The following IL1RAPL2 variants were observed in gnomAD, a reference collection of about 807,000 sequenced individuals.
IL1RAPL2 encodes X-linked interleukin-1 receptor accessory protein-like 2.
IL1RAPL2 carries 3 observed loss-of-function variants against 44.1 expected under a neutral mutation model. The ratio of observed to expected loss-of-function variants is 0.07; its 90% CI spans 0.03 to 0.18. The LOEUF (loss-of-function observed/expected upper bound fraction) is 0.18, where lower values mean the gene tolerates loss of function less well. Among genes scored for constraint, IL1RAPL2 ranks in the 10% least tolerant of loss-of-function variants. The pLI is 1.00. For synonymous variants in IL1RAPL2, 181 were observed against 178.8 expected (o/e 1.01, Z -0.10); for missense variants, 391 against 496.4 (o/e 0.79, Z 2.02).
intron 2 of IL1RAPL2, among the ~76,000 whole-genome samples, chrX:104,976,442 G>C (rs1226289097): frequency 8.9e-6 from 1 of 111,898 alleles, no homozygotes; most frequent in Non-Finnish European, 1.9e-5. Flanking sequence ...ACAAAAAAGG[G>C]TTTTTATTAA....
chrX:105,209,122 G>T (rs2033788144), intron 3 of IL1RAPL2, among the ~76,000 whole-genome samples: 1 of 111,459 alleles, frequency 9.0e-6, no homozygotes, highest in Admixed American at 9.6e-5. Flanking sequence ...TTTACAGCAG[G>T]GTACAAAGTC....
chrX:104,582,862 TTC>T (rs775572794), intron 1 of IL1RAPL2, among the ~76,000 whole-genome samples: 6 of 93,493 alleles, frequency 6.4e-5, no homozygotes, highest in Admixed American at 4.0e-4. Context: ...CTTTCTTTCT[TTC>T]TTTCTTTTTC....
At chrX:104,689,440 G>A (rs1931051286) in intron 2 of IL1RAPL2, among the ~76,000 whole-genome samples, 1 of 111,584 alleles carries the variant, frequency 9.0e-6, no homozygotes. Flanking sequence ...CTTTCTGGTA[G>A]TTGGAAAGGG....
At chrX:105,627,254 A>G (rs1367344871) in intron 6 of IL1RAPL2, among the ~76,000 whole-genome samples, 2 of 111,572 alleles carry the variant, frequency 1.8e-5, no homozygotes, top group Non-Finnish European at 1.9e-5. Context: ...TCTAATGAAT[A>G]TCCTTCTTTT....
intron 2 of IL1RAPL2, among the ~76,000 whole-genome samples, chrX:104,667,555 A>G (rs1369497791): frequency 9.0e-6 from 1 of 111,642 alleles, no homozygotes; most frequent in Non-Finnish European, 1.9e-5. Context: ...GTAGCTAAAT[A>G]ATTTGACCAC....
At chrX:105,122,004 C>A (rs972460899) in intron 2 of IL1RAPL2, among the ~76,000 whole-genome samples, 2 of 110,990 alleles carry the variant, frequency 1.8e-5, no homozygotes, top group Non-Finnish European at 3.8e-5. Flanking sequence ...GGTGTAAAGG[C>A]TCTCCTCCAC....
chrX:104,718,022 GGTTCCAAGTCTTTGTTATTGT>G (rs1418044826), intron 2 of IL1RAPL2, among the ~76,000 whole-genome samples: 3 of 111,011 alleles, frequency 2.7e-5, no homozygotes, highest in African/African-American at 9.8e-5. Context: ...CATTTGGGTT[GGTTCCAAGTCTTTGTTATTGT>G]GAATAGTGCC....
At position 104,582,203 on chromosome X, in the gene IL1RAPL2, A is replaced by G. The variant is rs987531397; in HGVS notation, c.-20+15152A>G. On this transcript the variant is annotated intron_variant, in intron 1 of 10. Transcript: ENST00000372582. ...AGGCAAGGCCAAGAGCAGTCACACC[A>G]GCTACTATGGTTTGTTAGTGGACAG... Among the ~76,000 whole-genome samples the G allele has an allele frequency of 3.6e-5, 4 of 112,163 alleles. No individual in the cohort carries two copies. In the Admixed American group the frequency reaches 3.8e-4, roughly 11 times the overall value.
intron 6 of IL1RAPL2, among the ~76,000 whole-genome samples, chrX:105,535,250 G>A (rs928535187): frequency 5.4e-5 from 6 of 111,592 alleles, no homozygotes; most frequent in Non-Finnish European, 7.5e-5. Flanking sequence ...AAGTGATCGC[G>A]AGACCCACGA....
intron 2 of IL1RAPL2, among the ~76,000 whole-genome samples, chrX:104,759,498 A>T (rs1027113371): frequency 9.0e-6 from 1 of 111,227 alleles, no homozygotes; most frequent in Admixed American, 9.6e-5. Flanking sequence ...TGTATACAAT[A>T]TGTCTAGGAG....
rs142559670 is a variant in IL1RAPL2 at position 105,565,048 on chromosome X, G to A, written c.772+80661G>A. ...GTCATTTGTATTCTTCAGGTAACTC[G>A]TTTAAACCTCCATTTTTTTCAGCTT... On this transcript the variant is annotated intron_variant, in intron 6 of 10. Coordinates refer to ENST00000372582, the MANE Select transcript of IL1RAPL2 (RefSeq NM_017416.2). Among the ~76,000 whole-genome samples the A allele has an allele frequency of 7.9e-3, 890 of 112,161 alleles. 11 individuals carry two copies. Among genetic ancestry groups the A allele is most frequent in the African/African-American group, 0.027 (838 of 30,918 alleles).
At chrX:105,327,078 CA>C (rs1484743184) in intron 5 of IL1RAPL2, among the ~76,000 whole-genome samples, 2 of 111,946 alleles carry the variant, frequency 1.8e-5, no homozygotes, top group Non-Finnish European at 3.8e-5. Context: ...GAAGGTTTAA[CA>C]GGAGAGTTTG....
At chrX:105,082,705 C>T (rs183349103) in intron 2 of IL1RAPL2, among the ~76,000 whole-genome samples, 3 of 111,589 alleles carry the variant, frequency 2.7e-5, no homozygotes, top group Admixed American at 9.6e-5. Flanking sequence ...CTGCAGCAGA[C>T]GGGCCTGACT....
intron 1 of IL1RAPL2, among the ~76,000 whole-genome samples, chrX:104,573,499 G>T (rs1034026756): frequency 8.0e-5 from 9 of 111,876 alleles, no homozygotes; most frequent in Non-Finnish European, 1.3e-4. Flanking sequence ...GTTCACAAAG[G>T]TGACTGCTTT....
At chrX:105,416,120 G>A (rs1430813804) in intron 5 of IL1RAPL2, among the ~76,000 whole-genome samples, 1 of 111,906 alleles carries the variant, frequency 8.9e-6, no homozygotes, top group Non-Finnish European at 1.9e-5. Flanking sequence ...ATATGGATAT[G>A]GATGTAGGTA....
At chrX:105,514,646 A>T (rs2036498223) in intron 6 of IL1RAPL2, among the ~76,000 whole-genome samples, 1 of 111,926 alleles carries the variant, frequency 8.9e-6, no homozygotes. Flanking sequence ...CCAGAGGTAT[A>T]CAGGTAGCCC....
chrX:105,110,194 C>T (rs986541448), intron 2 of IL1RAPL2, among the ~76,000 whole-genome samples: 1 of 112,179 alleles, frequency 8.9e-6, no homozygotes, highest in African/African-American at 3.2e-5. Flanking sequence ...TCACAACTTC[C>T]GTTTACAAAG....
intron 2 of IL1RAPL2, among the ~76,000 whole-genome samples, chrX:105,033,589 A>T (rs1368892806): frequency 5.4e-5 from 6 of 112,118 alleles, no homozygotes; most frequent in African/African-American, 1.9e-4. Flanking sequence ...CTGCAGTGCG[A>T]TCAGCCGTTA....
intron 3 of IL1RAPL2, among the ~76,000 whole-genome samples, chrX:105,233,241 G>A (rs1358268422): frequency 7.2e-5 from 8 of 111,637 alleles, no homozygotes; most frequent in Admixed American, 1.9e-4. Flanking sequence ...CAGAGATAGC[G>A]CCACTGCACT....
Sources: gnomAD v4.1 joint callset for allele counts (sites outside exome capture counted in the v4.1 genomes callset) on GRCh38, gnomAD v4.1.1 for gene constraint, MANE v1.5 for transcripts, NCBI Gene and HGNC (gene_info 2026-07-23, HGNC 2026-07-21) for gene names.